Variants in PPP3CA observed in about 807,000 individuals in gnomAD.
PPP3CA encodes CAM-PRP catalytic subunit.
In PPP3CA, 14 loss-of-function variants were observed where a neutral mutation model predicts 66.5. That is an observed-to-expected ratio of 0.21 (90% CI 0.14 to 0.33). The LOEUF is 0.33. Among genes scored for constraint, PPP3CA ranks in the 10% least tolerant of loss-of-function variants. The pLI, the probability that PPP3CA is intolerant of heterozygous loss-of-function variation, is 1.00. For synonymous variants in PPP3CA, 232 were observed against 226.2 expected (o/e 1.03, Z -0.23); for missense variants, 317 against 639.5 (o/e 0.50, Z 5.44).
chr4:101,344,629 A>G (rs1729920862), intron 1 of PPP3CA, among the ~76,000 whole-genome samples: 1 of 152,232 alleles, frequency 6.6e-6, no homozygotes, highest in Admixed American at 6.5e-5. Context: ...AGTCATTTAT[A>G]ATGGTACAGT....
chr4:101,345,243 G>A (rs999126439), intron 1 of PPP3CA, among the ~76,000 whole-genome samples: 5 of 152,132 alleles, frequency 3.3e-5, no homozygotes, highest in Non-Finnish European at 5.9e-5. Context: ...AAAAGGGAAC[G>A]TAATTTCCCC....
chr4:101,124,659 GAGACAGAAAGAAAGAAAGAAAGAA>G (rs1254847061), intron 2 of PPP3CA, among the ~76,000 whole-genome samples: 5 of 109,618 alleles, frequency 4.6e-5, no homozygotes, highest in Non-Finnish European at 9.3e-5. Context: ...GAGGGAGAGA[GAGACAGAAAGAAAGAAAGAAAGAA>G]AGAAAGAAAG....
chr4:101,214,643 CCCACA>C (rs1725403271), intron 1 of PPP3CA, among the ~76,000 whole-genome samples: 1 of 152,036 alleles, frequency 6.6e-6, no homozygotes, highest in African/African-American at 2.4e-5. Flanking sequence ...ACTAACTCCT[CCCACA>C]GCAGGATAAT....
At chr4:101,295,019 G>A (rs984007424) in intron 1 of PPP3CA, among the ~76,000 whole-genome samples, 22 of 152,158 alleles carry the variant, frequency 1.4e-4, no homozygotes, top group Admixed American at 1.0e-3. Flanking sequence ...ATATTCACTC[G>A]GGCCGGGCGC....
At chr4:101,169,257 C>T (rs779681062) in intron 2 of PPP3CA, among the ~76,000 whole-genome samples, 3 of 152,162 alleles carry the variant, frequency 2.0e-5, no homozygotes, top group Non-Finnish European at 4.4e-5. Flanking sequence ...TCTAATAAAG[C>T]TCGTAAGTGA....
rs139929713 is a variant in PPP3CA, at chr4:101,071,665, T to A, written c.956-8308A>T. On this transcript the variant is annotated intron_variant, in intron 8 of 13. Coordinates refer to ENST00000394854, the MANE Select transcript of PPP3CA (RefSeq NM_000944.5). ...AAGAGCACTTGGCAATGAATCTGTATGGAGGATTCAGCATTGACTCCTCCT... is the reference window on the plus strand; with the variant it reads ...AAGAGCACTTGGCAATGAATCTGTAAGGAGGATTCAGCATTGACTCCTCCT... Among the ~76,000 whole-genome samples, 109 of 152,338 alleles carry A rather than the reference T, an allele frequency of 7.2e-4. No individual in the cohort carries two copies. In the East Asian group the frequency reaches 0.018, roughly 25 times the overall value.
chr4:101,157,090 T>G (rs1723348248), intron 2 of PPP3CA, among the ~76,000 whole-genome samples: 2 of 152,346 alleles, frequency 1.3e-5, no homozygotes, highest in South Asian at 4.1e-4. Context: ...TGAGGTCGGT[T>G]TGTGAAAGCA....
chr4:101,226,484 C>T (rs1725786710), intron 1 of PPP3CA, among the ~76,000 whole-genome samples: 1 of 151,680 alleles, frequency 6.6e-6, no homozygotes, highest in Non-Finnish European at 1.5e-5. Flanking sequence ...AAAAGTTTTG[C>T]TACGTGAAGG....
At position 101,289,355 on chromosome 4, in the gene PPP3CA, A is replaced by G. The variant is rs148729365; in HGVS notation, c.58+57384T>C. On this transcript the variant is annotated intron_variant, in intron 1 of 13. Transcript: ENST00000394854. Reference sequence around the variant, plus strand: ...TATTTGTAAAATCATTAAGAATTCCATAATATTCCACAAATGCGTAACCTA... The same window carrying G: ...TATTTGTAAAATCATTAAGAATTCCGTAATATTCCACAAATGCGTAACCTA... Among the ~76,000 whole-genome samples the G allele has an allele frequency of 4.0e-3, 603 of 152,362 alleles. 4 individuals carry two copies. The highest frequency in any genetic ancestry group is 0.02 in the Middle Eastern group (6 of 294).
chr4:101,164,126 C>G (rs1252508276), intron 2 of PPP3CA, among the ~76,000 whole-genome samples: 1 of 19,000 alleles, frequency 5.3e-5, no homozygotes, highest in Non-Finnish European at 1.0e-4. Context: ...GTCTCCTTAG[C>G]TACCTCTTCA....
At chr4:101,326,361 T>A (rs1729208956) in intron 1 of PPP3CA, among the ~76,000 whole-genome samples, 1 of 152,188 alleles carries the variant, frequency 6.6e-6, no homozygotes, top group East Asian at 1.9e-4. Flanking sequence ...CAGAACAGAT[T>A]TCCATATTAA....
At chr4:101,249,800 A>G (rs1726614377) in intron 1 of PPP3CA, among the ~76,000 whole-genome samples, 1 of 152,184 alleles carries the variant, frequency 6.6e-6, no homozygotes, top group Admixed American at 6.5e-5. Flanking sequence ...ATGTTTTAAT[A>G]TGACAAAACT....
intron 8 of PPP3CA, among the ~76,000 whole-genome samples, chr4:101,073,551 C>A (rs963631338): frequency 6.6e-6 from 1 of 152,154 alleles, no homozygotes; most frequent in African/African-American, 2.4e-5. Flanking sequence ...CTGGGATGCA[C>A]ACGGCCTATG....
At chr4:101,229,452 G>T (rs1016024527) in intron 1 of PPP3CA, among the ~76,000 whole-genome samples, 2 of 151,672 alleles carry the variant, frequency 1.3e-5, no homozygotes, top group African/African-American at 4.8e-5. Flanking sequence ...ATAAGAATCA[G>T]ATAAACATTC....
chr4:101,194,710 G>A (rs1260211833), intron 2 of PPP3CA, among the ~76,000 whole-genome samples: 3 of 151,938 alleles, frequency 2.0e-5, no homozygotes, highest in Non-Finnish European at 4.4e-5. Flanking sequence ...GGGATTATAG[G>A]TGCCCACCAG....
intron 2 of PPP3CA, among the ~76,000 whole-genome samples, chr4:101,145,107 T>C (rs893069852): frequency 2.0e-5 from 3 of 152,178 alleles, no homozygotes; most frequent in Non-Finnish European, 4.4e-5. Flanking sequence ...GACTGTGATG[T>C]ACACATTTTG....
intron 1 of PPP3CA, among the ~76,000 whole-genome samples, chr4:101,220,766 A>G (rs1021183348): frequency 6.6e-6 from 1 of 151,720 alleles, no homozygotes; most frequent in Non-Finnish European, 1.5e-5. Flanking sequence ...ACAGTCACAC[A>G]CAAAGGTTTA....
intron 1 of PPP3CA, among the ~76,000 whole-genome samples, chr4:101,317,858 G>A (rs1384727485): frequency 6.6e-6 from 1 of 152,116 alleles, no homozygotes; most frequent in Admixed American, 6.6e-5. Flanking sequence ...GTGCAATCAT[G>A]GGCAAGCTGC....
intron 1 of PPP3CA, among the ~76,000 whole-genome samples, chr4:101,289,949 T>C (rs946296323): frequency 6.6e-6 from 1 of 150,686 alleles, no homozygotes; most frequent in Admixed American, 6.6e-5. Context: ...TGGGCTTACA[T>C]GCCCTAAGAT....
Sources: allele counts gnomAD v4.1 joint callset (sites outside exome capture counted in the v4.1 genomes callset), GRCh38; gene constraint gnomAD v4.1.1; transcripts MANE v1.5; gene names NCBI Gene and HGNC (gene_info 2026-07-23, HGNC 2026-07-21).